The following ACIN1 variants were observed in gnomAD, a reference collection of about 807,000 sequenced individuals.
ACIN1 encodes apoptotic chromatin condensation inducer 1, also known as apoptotic chromatin condensation inducer in the nucleus.
Under a neutral mutation model 146.6 loss-of-function variants are expected in ACIN1, and 16 were observed. That is an observed-to-expected ratio of 0.11 (90% CI 0.07 to 0.17). The LOEUF is 0.17. Ranked by LOEUF, ACIN1 falls within the 10% of genes least tolerant of loss-of-function variation. ACIN1 has a pLI of 1.00. For missense variants in ACIN1, 1,357 were observed against 1,609.3 expected (o/e 0.84, Z 2.68); for synonymous variants, 569 against 582.7 (o/e 0.98, Z 0.34).
rs568233337 is a variant in ACIN1, at chr14:23,090,786, T to A, written c.205-153A>T. On this transcript the variant is annotated intron_variant, in intron 2 of 18. Transcript: ENST00000605057. ...GGCTTTTTTCTAAGTTAGTTCTATA[T>A]TGAAGAACAGAATAGCCTTGAGTCA... 1.1e-4 allele frequency among the ~76,000 whole-genome samples: 16 copies of A among 152,300 alleles called. No homozygotes were observed. In the South Asian group the frequency reaches 3.3e-3, roughly 32 times the overall value.
At chr14:23,073,285 C>T (rs1476191656) in intron 8 of ACIN1, among the ~76,000 whole-genome samples, 1 of 152,222 alleles carries the variant, frequency 6.6e-6, no homozygotes, top group African/African-American at 2.4e-5. Context: ...GGGCCTAACA[C>T]AAAGTAATGT....
chr14:23,071,443 G>C (rs186415340), intron 8 of ACIN1: 2 of 1,551,572 alleles, frequency 1.3e-6, no homozygotes, highest in Non-Finnish European at 1.7e-6. Context: ...CCCCGAGTTC[G>C]GCTGGATTGG....
chr14:23,066,695 G>A (rs1421436275), intron 9 of ACIN1, among the ~76,000 whole-genome samples: 1 of 152,202 alleles, frequency 6.6e-6, no homozygotes, highest in African/African-American at 2.4e-5. Context: ...AGGTTTTTAT[G>A]AAGGGCAGAT....
rs397830741 is a variant in ACIN1 at position 23,059,956 on chromosome 14, G to GTTTTT, written c.3526-487_3526-483dup. On this transcript the variant is annotated intron_variant, in intron 18 of 18. Coordinates refer to ENST00000605057, the MANE Select transcript of ACIN1 (RefSeq NM_001386863.1). ...AGGCGTGAGCCACCGCGCCCCGCCA[G>GTTTTT]TTTTTTTTTTTTTTTTTTTTTGAGA... 3.9e-3 allele frequency among the ~76,000 whole-genome samples: 391 copies of GTTTTT among 100,124 alleles called. 19 individuals are homozygous for GTTTTT. Among genetic ancestry groups the GTTTTT allele is most frequent in the East Asian group, 0.036 (122 of 3,410 alleles). The allele number at this position is 100,124 out of a possible 152,430, so 65.7% of individuals were successfully genotyped here. A position where few individuals can be genotyped will look rare whatever the true frequency, so the allele number is the denominator to read the frequency against.
At chr14:23,070,486 C>T (rs750836606) in intron 8 of ACIN1, among the ~76,000 whole-genome samples, 5 of 152,038 alleles carry the variant, frequency 3.3e-5, no homozygotes, top group Non-Finnish European at 5.9e-5. Flanking sequence ...CAGCTTCCCC[C>T]AAGAACACCA....
rs1330176124 is a variant in ACIN1, at chr14:23,061,616, A to G, written c.3106T>C (p.Tyr1036His). ...ADYAEQDELD[Y>H]HRGLLVDRPS... ...CGGTCCACCAAGAGGCCTCGGTGATAATCCAGCTGTGGGGAGAGGAGGGAC... is the reference window on the plus strand; with the variant it reads ...CGGTCCACCAAGAGGCCTCGGTGATGATCCAGCTGTGGGGAGAGGAGGGAC... The change falls in exon 17 of 19, where the codon TAT becomes CAT. Residue 1036 changes from tyrosine to histidine, a missense_variant. Tyr to His is a moderately conservative substitution (Grantham distance 83). Coordinates refer to ENST00000605057, the MANE Select transcript of ACIN1 (RefSeq NM_001386863.1). The G allele has an allele frequency of 3.3e-6, 5 of 1,531,636 alleles. No homozygotes were observed. Among genetic ancestry groups the G allele is most frequent in the Non-Finnish European group, 3.5e-6 (4 of 1,138,424 alleles). 94.9% of individuals were successfully genotyped at this position (1,531,636 alleles called of 1,614,324 possible). A position where few individuals can be genotyped will look rare whatever the true frequency, so the allele number is the denominator to read the frequency against.
chr14:23,063,471 G>GCCA lies in ACIN1; in HGVS notation c.2699_2701dup (p.Val900dup). On this transcript the variant is annotated inframe_insertion, in exon 13 of 19. Coordinates refer to ENST00000605057, the MANE Select transcript of ACIN1 (RefSeq NM_001386863.1). ...TTCATGCTCTGCAGGTGGGGGCAAG[G>GCCA]CCACCTCTACTGACACCTGGGGAGG... is the stretch of plus-strand genomic sequence containing the variant. 1.2e-6 allele frequency: 2 copies of GCCA among 1,614,140 alleles called. 1 individual carries two copies. Among genetic ancestry groups the GCCA allele is most frequent in the South Asian group, 2.2e-5 (2 of 91,086 alleles).
intron 18 of ACIN1, among the ~76,000 whole-genome samples, chr14:23,059,956 G>GTTTTTTTT (rs397830741): frequency 2.0e-5 from 2 of 100,136 alleles, no homozygotes; most frequent in African/African-American, 8.3e-5. Flanking sequence ...CGCCCCGCCA[G>GTTTTTTTT]TTTTTTTTTT....
chr14:23,060,860 T>C (rs1378685979), intron 18 of ACIN1, among the ~76,000 whole-genome samples: 1 of 152,240 alleles, frequency 6.6e-6, no homozygotes, highest in Non-Finnish European at 1.5e-5. Context: ...TTCCCAGACA[T>C]CCACAAACTT....
chr14:23,075,039 T>C (rs913569934), intron 8 of ACIN1, among the ~76,000 whole-genome samples: 17 of 152,196 alleles, frequency 1.1e-4, no homozygotes, highest in African/African-American at 2.9e-4. Context: ...GCAAACTCTA[T>C]TGATGACAAC....
chr14:23,079,423 G>C, intron 6 of ACIN1, 124 bp downstream of exon 6: 1 of 1,454,636 alleles, frequency 6.9e-7, no homozygotes, highest in South Asian at 1.4e-5. Context: ...AGTAATCAGT[G>C]AAGGAGAGTA....
chr14:23,091,917 C>T (rs143694717), intron 2 of ACIN1, among the ~76,000 whole-genome samples: 1 of 152,204 alleles, frequency 6.6e-6, no homozygotes, highest in African/African-American at 2.4e-5. Context: ...AGCCACAATG[C>T]CCGGCCTCAT....
At chr14:23,063,378 G>A in intron 13 of ACIN1, 58 bp downstream of exon 13, 1 of 1,579,264 alleles carries the variant, frequency 6.3e-7, no homozygotes, top group Non-Finnish European at 8.6e-7. Flanking sequence ...CGATCCAAAT[G>A]AGGTGCTCTG....
chr14:23,086,322 C>T (rs1293829022), intron 4 of ACIN1, among the ~76,000 whole-genome samples: 1 of 152,152 alleles, frequency 6.6e-6, no homozygotes, highest in Non-Finnish European at 1.5e-5. Context: ...TCTGAATATG[C>T]ATTTAAAAAT....
Position 23,059,103 on chromosome 14 carries a change from C to A in ACIN1, c.*45G>T. 1 of 1,592,404 alleles carries A rather than the reference C, an allele frequency of 6.3e-7. No homozygotes were observed. On this transcript the variant is annotated 3_prime_UTR_variant, in exon 19 of 19. Coordinates refer to ENST00000605057, the MANE Select transcript of ACIN1 (RefSeq NM_001386863.1). Reference sequence around the variant, plus strand: ...GCCTATCCCTCTGTGGCCATAACCCCCTGGGGCCGAGTGGCTGGTACCTGC... The same window carrying A: ...GCCTATCCCTCTGTGGCCATAACCCACTGGGGCCGAGTGGCTGGTACCTGC...
At chr14:23,062,782 A>G (rs183466767) in intron 14 of ACIN1, 147 bp downstream of exon 14, 1 of 1,071,546 alleles carries the variant, frequency 9.3e-7, no homozygotes, top group African/African-American at 1.6e-5. Context: ...TTAGATGGGT[A>G]AATATGTTAA....
chr14:23,059,820 A>AT (rs1222215787), intron 18 of ACIN1, among the ~76,000 whole-genome samples: 1 of 150,188 alleles, frequency 6.7e-6, no homozygotes, highest in Non-Finnish European at 1.5e-5. Context: ...CGCCCGGCTA[A>AT]TTTTTTTGTA....
Position 23,062,500 on chromosome 14 carries a change from C to T in ACIN1, c.2907G>A (p.Gln969=). ...CTGTGCGCCCCAACAACTCCTTTAG[C>T]TGGCCTAAAGTGAAAGGACGGACCT... is the stretch of plus-strand genomic sequence containing the variant. The part of the protein sequence containing the change: ...SNLVRPFTLG[Q]LKELLGRTGT... The change falls in exon 15 of 19, where the codon CAG becomes CAA. Residue 969 remains glutamine (Q), a synonymous_variant. Transcript: ENST00000605057. 2.5e-6 allele frequency: 4 copies of T among 1,614,210 alleles called. No individual in the cohort carries two copies. Among genetic ancestry groups the T allele is most frequent in the East Asian group, 2.2e-5 (1 of 44,882 alleles).
intron 13 of ACIN1, 115 bp from the exon 14 acceptor site, chr14:23,063,189 T>G: frequency 7.9e-7 from 1 of 1,259,478 alleles, no homozygotes; most frequent in African/African-American, 1.5e-5. Flanking sequence ...CTCCTTAATC[T>G]AAACGTGCAG....
Sources: gnomAD v4.1 joint callset for allele counts (sites outside exome capture counted in the v4.1 genomes callset) on GRCh38, gnomAD v4.1.1 for gene constraint, MANE v1.5 for transcripts, NCBI Gene and HGNC (gene_info 2026-07-23, HGNC 2026-07-21) for gene names.